Variants in TMEM178B observed in about 807,000 individuals in gnomAD.
TMEM178B encodes the protein transmembrane protein 178B.
In TMEM178B, 5 loss-of-function variants were observed where a neutral mutation model predicts 31.0. The observed-to-expected ratio is 0.16, with a 90% CI of 0.08 to 0.34. The LOEUF is 0.34. Among genes scored for constraint, TMEM178B ranks in the 10% least tolerant of loss-of-function variants. The pLI is 1.00. For synonymous variants in TMEM178B, 164 were observed against 164.0 expected (o/e 1.00, Z 0.00); for missense variants, 275 against 400.3 (o/e 0.69, Z 2.67).
chr7:141,106,738 A>G (rs1403344647), intron 1 of TMEM178B, among the ~76,000 whole-genome samples: 8 of 152,168 alleles, frequency 5.3e-5, no homozygotes, highest in Admixed American at 1.3e-4. Context: ...TGGATAAACT[A>G]TGTATATTCT....
chr7:141,223,721 G>C (rs1269384346), intron 2 of TMEM178B, among the ~76,000 whole-genome samples: 3 of 152,030 alleles, frequency 2.0e-5, no homozygotes, highest in Non-Finnish European at 4.4e-5. Flanking sequence ...TCTGGGGAAG[G>C]TTGGCACAGA....
intron 3 of TMEM178B, among the ~76,000 whole-genome samples, chr7:141,451,898 T>A (rs1260258014): frequency 6.6e-6 from 1 of 152,190 alleles, no homozygotes. Flanking sequence ...TTCTTGGAGA[T>A]GTGCTTACTC....
intron 2 of TMEM178B, among the ~76,000 whole-genome samples, chr7:141,390,592 C>T (rs1264438051): frequency 6.6e-6 from 1 of 152,176 alleles, no homozygotes; most frequent in Admixed American, 6.5e-5. Context: ...CAATTTGGTT[C>T]ACCTTGCCTT....
At chr7:141,157,308 C>A (rs1401098562) in intron 1 of TMEM178B, among the ~76,000 whole-genome samples, 1 of 152,116 alleles carries the variant, frequency 6.6e-6, no homozygotes, top group African/African-American at 2.4e-5. Flanking sequence ...GAGGACCACA[C>A]CCTTCCTCCT....
intron 2 of TMEM178B, among the ~76,000 whole-genome samples, chr7:141,380,992 C>T (rs555080067): frequency 2.0e-5 from 3 of 152,296 alleles, no homozygotes; most frequent in Admixed American, 2.0e-4. Flanking sequence ...CCATCACTGT[C>T]TCCCCGTACC....
chr7:141,366,662 A>T (rs959064131), intron 2 of TMEM178B, among the ~76,000 whole-genome samples: 6 of 152,028 alleles, frequency 3.9e-5, no homozygotes, highest in African/African-American at 1.4e-4. Flanking sequence ...GTTTTCTATA[A>T]CTTTTCTTTA....
intron 2 of TMEM178B, among the ~76,000 whole-genome samples, chr7:141,346,502 G>A (rs1373558075): frequency 6.6e-6 from 1 of 152,144 alleles, no homozygotes; most frequent in African/African-American, 2.4e-5. Flanking sequence ...TCAGCTTTGT[G>A]TAAGATTTGT....
intron 2 of TMEM178B, among the ~76,000 whole-genome samples, chr7:141,283,833 C>A (rs1215884975): frequency 3.9e-5 from 6 of 152,152 alleles, no homozygotes; most frequent in Admixed American, 3.3e-4. Flanking sequence ...GCTAGATCCT[C>A]TTTCTAAGTG....
chr7:141,346,574 C>T (rs1223222093), intron 2 of TMEM178B, among the ~76,000 whole-genome samples: 1 of 152,130 alleles, frequency 6.6e-6, no homozygotes, highest in African/African-American at 2.4e-5. Context: ...ACTCCAGCCA[C>T]CTCACACATA....
intron 3 of TMEM178B, 89 bp downstream of exon 3, chr7:141,437,834 G>A: frequency 1.3e-6 from 2 of 1,499,986 alleles, no homozygotes; most frequent in South Asian, 1.3e-5. Flanking sequence ...CACAGCAGAG[G>A]GGACCATGAC....
In TMEM178B at chr7:141,242,139, CT is replaced by C. The variant is rs151186433; in HGVS notation, c.496+29436del. On this transcript the variant is annotated intron_variant, in intron 2 of 3. Transcript: ENST00000565468. ...AATATTCATGCTCCTATTAATAGAA[CT>C]GGTTTATCTTTTTGAAATAAGATTA... is the stretch of plus-strand genomic sequence containing the variant. Among the ~76,000 whole-genome samples, 671 of 152,176 alleles carry C rather than the reference CT, an allele frequency of 4.4e-3. 6 individuals are homozygous for C. The highest frequency in any genetic ancestry group is 0.016 in the African/African-American group (651 of 41,490).
In TMEM178B at chr7:141,476,934, A is replaced by T. The variant is rs762121642; in HGVS notation, c.*6148A>T. 1.3e-5 allele frequency: 2 copies of T among 154,838 alleles called. No homozygotes were observed. The highest frequency in any genetic ancestry group is 2.9e-5 in the Non-Finnish European group (2 of 68,228). The allele number at this position is 154,838 out of a possible 1,614,324, so 9.6% of individuals were successfully genotyped here. On this transcript the variant is annotated 3_prime_UTR_variant, in exon 4 of 4. Transcript: ENST00000565468. ...ACTGGGTCTGAACATGAAGAGTTGC[A>T]CAGCAGTAGTTCGAAGAAGCTGGCA... is the stretch of plus-strand genomic sequence containing the variant.
chr7:141,449,746 G>A (rs147589284), intron 3 of TMEM178B, among the ~76,000 whole-genome samples: 40 of 152,306 alleles, frequency 2.6e-4, no homozygotes, highest in Admixed American at 1.4e-3. Context: ...ACTATGAGCC[G>A]CCAGACACAC....
Position 141,422,291 on chromosome 7 carries a change from T to C in TMEM178B, c.497-15317T>C, listed in dbSNP as rs944299607. 1.3e-5 allele frequency among the ~76,000 whole-genome samples: 2 copies of C among 152,156 alleles called. No individual in the cohort carries two copies. The highest frequency in any genetic ancestry group is 4.8e-5 in the African/African-American group (2 of 41,434). On this transcript the variant is annotated intron_variant, in intron 2 of 3. Transcript: ENST00000565468. The surrounding 1 kb of genome is among the most constrained non-coding windows in gnomAD (Gnocchi z 4.2). Reference sequence around the variant, plus strand: ...GGCTCTCCCTCTCTTGTACAGGACTTTTGGGGTTCCTTTGGGAAAGCTTTG... The same window carrying C: ...GGCTCTCCCTCTCTTGTACAGGACTCTTGGGGTTCCTTTGGGAAAGCTTTG...
At chr7:141,113,445 G>C (rs941697482) in intron 1 of TMEM178B, among the ~76,000 whole-genome samples, 1 of 152,180 alleles carries the variant, frequency 6.6e-6, no homozygotes, top group Non-Finnish European at 1.5e-5. Flanking sequence ...GAAGGTTCAG[G>C]TGAGGGCATT....
chr7:141,172,750 G>A (rs916826276), intron 1 of TMEM178B, among the ~76,000 whole-genome samples: 1 of 152,198 alleles, frequency 6.6e-6, no homozygotes, highest in African/African-American at 2.4e-5. Context: ...TGGTAAAGGT[G>A]TAGTACTTCT....
intron 2 of TMEM178B, among the ~76,000 whole-genome samples, chr7:141,253,420 T>C (rs887870640): frequency 6.6e-6 from 1 of 152,204 alleles, no homozygotes; most frequent in Non-Finnish European, 1.5e-5. Flanking sequence ...TTAAATCCTC[T>C]GTAGCAGGTT....
chr7:141,104,054 C>T (rs1795101182), intron 1 of TMEM178B, among the ~76,000 whole-genome samples: 1 of 152,198 alleles, frequency 6.6e-6, no homozygotes, highest in Non-Finnish European at 1.5e-5. Flanking sequence ...CCGAAAAAAC[C>T]ATTCATGCAT....
intron 1 of TMEM178B, among the ~76,000 whole-genome samples, chr7:141,163,669 C>G (rs1367268345): frequency 2.0e-5 from 3 of 151,968 alleles, no homozygotes; most frequent in Admixed American, 6.6e-5. Flanking sequence ...TGAGCGCCAT[C>G]AAGCCTGGCT....
Sources: gnomAD v4.1 joint callset for allele counts (sites outside exome capture counted in the v4.1 genomes callset) on GRCh38, gnomAD v4.1.1 for gene constraint, Gnocchi (gnomAD v3.1) non-coding constraint, MANE v1.5 for transcripts, NCBI Gene and HGNC (gene_info 2026-07-23, HGNC 2026-07-21) for gene names.